CPNE4: variants seen among roughly 807,000 people sequenced by gnomAD.
CPNE4 encodes the protein copine 4.
A neutral mutation model predicts 67.9 loss-of-function variants in CPNE4; 25 were observed. The observed-to-expected ratio is 0.37, with a 90% CI of 0.27 to 0.51. The LOEUF (loss-of-function observed/expected upper bound fraction) is 0.51, where lower values mean the gene tolerates loss of function less well. Among genes scored for constraint, CPNE4 ranks in the 20% least tolerant of loss-of-function variants. The pLI, the probability that CPNE4 is intolerant of heterozygous loss-of-function variation, is 0.93. For missense variants in CPNE4, 464 were observed against 690.8 expected (o/e 0.67, Z 3.68); for synonymous variants, 242 against 244.9 (o/e 0.99, Z 0.11).
intron 1 of CPNE4, among the ~76,000 whole-genome samples, chr3:132,007,943 G>T (rs923212945): frequency 1.3e-5 from 2 of 152,090 alleles, no homozygotes; most frequent in Non-Finnish European, 2.9e-5. Flanking sequence ...GCTCCAATTT[G>T]AATGGCACAT....
At position 131,886,391 on chromosome 3, in the gene CPNE4, G is replaced by A. The variant is rs180926194; in HGVS notation, c.180+18873C>T. ...ATGTACGGAAACACCTGGATGCCCA[G>A]GCAGAAGTTTGCAGCAGGGGTGGGG... On this transcript the variant is annotated intron_variant, in intron 2 of 15. Coordinates refer to ENST00000429747, the MANE Select transcript of CPNE4 (RefSeq NM_130808.3). Among the ~76,000 whole-genome samples the A allele has an allele frequency of 2.6e-5, 4 of 152,348 alleles. No homozygotes were observed. The East Asian group carries it at 7.7e-4, about 29-fold the overall frequency.
chr3:131,825,491 G>A lies in CPNE4; in HGVS notation c.180+79773C>T, dbSNP rs1455125785. 1.3e-4 allele frequency among the ~76,000 whole-genome samples: 16 copies of A among 124,196 alleles called. No individual in the cohort carries two copies. In the East Asian group the frequency reaches 2.4e-3, roughly 19 times the overall value. 81.5% of individuals were successfully genotyped at this position (124,196 alleles called of 152,430 possible). On this transcript the variant is annotated intron_variant, in intron 2 of 15. Coordinates refer to ENST00000429747, the MANE Select transcript of CPNE4 (RefSeq NM_130808.3). Reference sequence around the variant, plus strand: ...AGCCTGGGAAACAGAGCGAGACTCCGTCAAAAAAAAAAAAAAAACATTGGT... The same window carrying A: ...AGCCTGGGAAACAGAGCGAGACTCCATCAAAAAAAAAAAAAAAACATTGGT...
intron 1 of CPNE4, among the ~76,000 whole-genome samples, chr3:131,944,164 A>T (rs1471877637): frequency 6.6e-6 from 1 of 152,078 alleles, no homozygotes; most frequent in Non-Finnish European, 1.5e-5. Context: ...TGCAAGGTTA[A>T]CTGGGTGCCA....
chr3:131,767,260 C>CGT (rs67444198), intron 2 of CPNE4, among the ~76,000 whole-genome samples: 58,921 of 150,052 alleles, frequency 0.39, 11,573 homozygotes, highest in South Asian at 0.51. Context: ...TAAGTGTGAG[C>CGT]GTGTGTGTGT....
rs902126166 is a variant in CPNE4 at position 131,951,153 on chromosome 3, T to C, written c.-1-45709A>G. 3.3e-5 allele frequency among the ~76,000 whole-genome samples: 5 copies of C among 152,336 alleles called. No individual in the cohort carries two copies. In the East Asian group the frequency reaches 9.6e-4, roughly 29 times the overall value. On this transcript the variant is annotated intron_variant, in intron 1 of 15. Transcript: ENST00000429747. ...TGAAGAATTAACATCATTAAAAGAA[T>C]TACTATCTTCTATGTGTTTAAGAGA...
chr3:132,006,655 A>T lies in CPNE4; in HGVS notation c.-2+27912T>A, dbSNP rs921889110. ...TAACCTGACATAAACCTTTCTTTCC[A>T]TTTTTTTTTGTTGTTGTTCTCTGGG... On this transcript the variant is annotated intron_variant, in intron 1 of 15. Transcript: ENST00000429747. Among the ~76,000 whole-genome samples, 39 of 149,698 alleles carry T rather than the reference A, an allele frequency of 2.6e-4. 1 individual carries two copies. The East Asian group carries it at 5.9e-3, about 23-fold the overall frequency.
At chr3:131,886,630 G>C (rs939368944) in intron 2 of CPNE4, among the ~76,000 whole-genome samples, 2 of 152,176 alleles carry the variant, frequency 1.3e-5, no homozygotes, top group Non-Finnish European at 2.9e-5. Context: ...TGGGAGGGAG[G>C]CTGTACCCTG....
rs373397440 is a variant in CPNE4 at position 131,726,410 on chromosome 3, C to T, written c.181-2785G>A. Among the ~76,000 whole-genome samples, 12 of 152,188 alleles carry T rather than the reference C, an allele frequency of 7.9e-5. No individual in the cohort carries two copies. In the East Asian group the frequency reaches 1.4e-3, roughly 17 times the overall value. On this transcript the variant is annotated intron_variant, in intron 2 of 15. Coordinates refer to ENST00000429747, the MANE Select transcript of CPNE4 (RefSeq NM_130808.3). ...GTGATAAACATTTGTATTAGCAAGACAGACGATTTCCAAGGATAATCAGAA... is the reference window on the plus strand; with the variant it reads ...GTGATAAACATTTGTATTAGCAAGATAGACGATTTCCAAGGATAATCAGAA...
At chr3:131,696,994 ATATTTCTT>A (rs2081171260) in intron 4 of CPNE4, among the ~76,000 whole-genome samples, 1 of 152,238 alleles carries the variant, frequency 6.6e-6, no homozygotes, top group African/African-American at 2.4e-5. Context: ...AAAAACAGCA[ATATTTCTT>A]TTTGAGTGAG....
At chr3:131,613,761 C>A (rs896992433) in intron 7 of CPNE4, among the ~76,000 whole-genome samples, 6 of 152,116 alleles carry the variant, frequency 3.9e-5, no homozygotes, top group Non-Finnish European at 5.9e-5. Context: ...AACAGACCAT[C>A]ACTCCCCTTT....
chr3:132,021,510 G>A (rs1454543553), intron 1 of CPNE4, among the ~76,000 whole-genome samples: 1 of 152,198 alleles, frequency 6.6e-6, no homozygotes, highest in Non-Finnish European at 1.5e-5. Flanking sequence ...AGTAGGCGGT[G>A]CACATCATGT....
intron 1 of CPNE4, among the ~76,000 whole-genome samples, chr3:131,954,939 A>G (rs547301520): frequency 3.6e-4 from 54 of 149,972 alleles, no homozygotes; most frequent in Non-Finnish European, 6.9e-4. Flanking sequence ...TATTGTGAAC[A>G]GTGCCGCAAT....
chr3:131,704,829 G>C (rs1284772809), intron 3 of CPNE4, among the ~76,000 whole-genome samples: 1 of 152,252 alleles, frequency 6.6e-6, no homozygotes, highest in East Asian at 1.9e-4. Context: ...TTCATCTAAG[G>C]TCACTTAGTG....
At chr3:131,859,743 A>G (rs1054994240) in intron 2 of CPNE4, among the ~76,000 whole-genome samples, 1 of 152,190 alleles carries the variant, frequency 6.6e-6, no homozygotes, top group Non-Finnish European at 1.5e-5. Flanking sequence ...GCAGATGACA[A>G]GTGTCCCTGG....
chr3:131,774,148 C>A (rs2083237066), intron 2 of CPNE4, among the ~76,000 whole-genome samples: 1 of 152,074 alleles, frequency 6.6e-6, no homozygotes, highest in Non-Finnish European at 1.5e-5. Context: ...CAGCTTCTTC[C>A]AGCAGGCAGG....
intron 6 of CPNE4, among the ~76,000 whole-genome samples, chr3:131,671,961 T>A (rs746043034): frequency 8.5e-5 from 13 of 152,090 alleles, no homozygotes; most frequent in Admixed American, 2.6e-4. Flanking sequence ...ACTTCCCTCC[T>A]CCCCTACTAC....
chr3:131,766,739 A>C (rs1218833187), intron 2 of CPNE4, among the ~76,000 whole-genome samples: 1 of 152,222 alleles, frequency 6.6e-6, no homozygotes, highest in East Asian at 1.9e-4. Context: ...TATTAGAAAA[A>C]AAACAGATAA....
rs1847191 is a variant in CPNE4, at chr3:131,604,571, G to A, written c.682-16989C>T. The stretch of plus-strand genomic sequence containing the variant: ...CTGCCAGCAAATATAAAGCAGACAG[G>A]AAAACATGAAAAGAGAGACTGGCCT... On this transcript the variant is annotated intron_variant, in intron 7 of 15. Transcript: ENST00000429747. 1.2e-3 allele frequency among the ~76,000 whole-genome samples: 175 copies of A among 152,168 alleles called. 5 individuals are homozygous for A. The South Asian group carries it at 0.035, about 31-fold the overall frequency.
At chr3:131,544,295 C>A (rs1173902581) in intron 14 of CPNE4, among the ~76,000 whole-genome samples, 6 of 152,104 alleles carry the variant, frequency 3.9e-5, no homozygotes, top group Non-Finnish European at 5.9e-5. Context: ...GAATCATATA[C>A]TTAATGTTGC....
Sources: gnomAD v4.1 joint callset for allele counts (sites outside exome capture counted in the v4.1 genomes callset) on GRCh38, gnomAD v4.1.1 for gene constraint, MANE v1.5 for transcripts, NCBI Gene and HGNC (gene_info 2026-07-23, HGNC 2026-07-21) for gene names.